Variants in GALNT17 observed in about 807,000 individuals in gnomAD.
GALNT17 encodes polypeptide N-acetylgalactosaminyltransferase 17, also known as UDP-GalNAc:polypeptide N-acetylgalactosaminyltransferase-like 3.
GALNT17 carries 29 observed loss-of-function variants against 63.7 expected under a neutral mutation model. That is an observed-to-expected ratio of 0.46 (90% CI 0.34 to 0.62). The LOEUF (loss-of-function observed/expected upper bound fraction) is 0.62, where lower values mean the gene tolerates loss of function less well. GALNT17 is among the 20% of genes least tolerant of loss of function. The probability of loss-of-function intolerance (pLI) is 0.01; values close to 1 mark genes in which losing one functional copy is unlikely to be tolerated. For missense variants in GALNT17, 603 were observed against 799.6 expected (o/e 0.75, Z 2.97); for synonymous variants, 305 against 318.3 (o/e 0.96, Z 0.45).
intron 9 of GALNT17, among the ~76,000 whole-genome samples, chr7:71,696,407 C>G (rs1791546892): frequency 6.6e-6 from 1 of 152,124 alleles, no homozygotes; most frequent in African/African-American, 2.4e-5. Flanking sequence ...GCCCCTGTGC[C>G]CAGCCAAGAA....
intron 2 of GALNT17, among the ~76,000 whole-genome samples, chr7:71,377,114 A>ATATATATATATATATATATAT (rs1554362120): frequency 1.7e-4 from 10 of 57,458 alleles, no homozygotes; most frequent in African/African-American, 4.7e-4. Flanking sequence ...AAATAAAAAA[A>ATATATATATATATATATATAT]ATATATATAT....
intron 5 of GALNT17, among the ~76,000 whole-genome samples, chr7:71,441,168 G>T (rs947713141): frequency 6.6e-6 from 1 of 151,860 alleles, no homozygotes; most frequent in Admixed American, 6.6e-5. Context: ...GACTATAGGC[G>T]CCCGCCACCA....
At chr7:71,547,675 A>G (rs1413161247) in intron 5 of GALNT17, among the ~76,000 whole-genome samples, 1 of 152,078 alleles carries the variant, frequency 6.6e-6, no homozygotes, top group Non-Finnish European at 1.5e-5. Context: ...GACTGTCACT[A>G]TTTTCATTGA....
chr7:71,485,351 C>T (rs562650365), intron 5 of GALNT17, among the ~76,000 whole-genome samples: 3 of 152,158 alleles, frequency 2.0e-5, no homozygotes, highest in Non-Finnish European at 1.5e-5. Flanking sequence ...CCCGCCTTGG[C>T]GTCCCAAAGT....
chr7:71,347,854 CCTG>C (rs1271077262), intron 2 of GALNT17, among the ~76,000 whole-genome samples: 1 of 152,122 alleles, frequency 6.6e-6, no homozygotes, highest in Non-Finnish European at 1.5e-5. Flanking sequence ...TCAGCTACCT[CCTG>C]CTTCTGCTTC....
intron 1 of GALNT17, among the ~76,000 whole-genome samples, chr7:71,238,789 G>T (rs1056007404): frequency 1.2e-4 from 18 of 152,162 alleles, no homozygotes; most frequent in Non-Finnish European, 2.4e-4. Context: ...GAATGTGGGT[G>T]GGACCTATTG....
intron 5 of GALNT17, among the ~76,000 whole-genome samples, chr7:71,426,768 A>G (rs771026223): frequency 7.2e-5 from 11 of 152,050 alleles, no homozygotes; most frequent in East Asian, 5.9e-4. Flanking sequence ...AAAAATACAA[A>G]AATTAGCTGG....
At chr7:71,668,806 C>T (rs1445688935) in intron 7 of GALNT17, among the ~76,000 whole-genome samples, 2 of 152,086 alleles carry the variant, frequency 1.3e-5, no homozygotes, top group East Asian at 3.9e-4. Context: ...ACACAGCAGC[C>T]ATTATGGGTT....
chr7:71,622,146 G>A (rs559876932), intron 6 of GALNT17, among the ~76,000 whole-genome samples: 1 of 152,278 alleles, frequency 6.6e-6, no homozygotes, highest in South Asian at 2.1e-4. Context: ...CACCTCACAG[G>A]GGAACAGGGA....
intron 6 of GALNT17, among the ~76,000 whole-genome samples, chr7:71,638,426 CCT>C (rs1442330339): frequency 6.6e-6 from 1 of 152,090 alleles, no homozygotes; most frequent in African/African-American, 2.4e-5. Context: ...GGTTCAAATC[CCT>C]CTGACACTAA....
At position 71,614,141 on chromosome 7, in the gene GALNT17, C is replaced by G. The variant is rs112123884; in HGVS notation, c.1080+42739C>G. Reference sequence around the variant, plus strand: ...TTCAAAACAAAACAAAAGCCCTAATCCCCCAAACTTTTGTGATCACATTAA... The same window carrying G: ...TTCAAAACAAAACAAAAGCCCTAATGCCCCAAACTTTTGTGATCACATTAA... On this transcript the variant is annotated intron_variant, in intron 6 of 10. Coordinates refer to ENST00000333538, the MANE Select transcript of GALNT17 (RefSeq NM_022479.3). Among the ~76,000 whole-genome samples, 892 of 152,204 alleles carry G rather than the reference C, an allele frequency of 5.9e-3. 7 individuals carry two copies. Among genetic ancestry groups the G allele is most frequent in the African/African-American group, 0.02 (827 of 41,526 alleles).
At chr7:71,388,554 T>C (rs1792992890) in intron 3 of GALNT17, among the ~76,000 whole-genome samples, 153 bp downstream of exon 3, 1 of 151,746 alleles carries the variant, frequency 6.6e-6, no homozygotes, top group Non-Finnish European at 1.5e-5. Flanking sequence ...TGAGATGGAG[T>C]CTTGCTGTGT....
intron 5 of GALNT17, among the ~76,000 whole-genome samples, chr7:71,429,668 G>A (rs1240139846): frequency 6.6e-6 from 1 of 152,056 alleles, no homozygotes; most frequent in Non-Finnish European, 1.5e-5. Context: ...TCAGCCTCCA[G>A]CGGAGCTGGG....
chr7:71,353,655 C>A (rs1482025377), intron 2 of GALNT17, among the ~76,000 whole-genome samples: 1 of 152,104 alleles, frequency 6.6e-6, no homozygotes, highest in Non-Finnish European at 1.5e-5. Flanking sequence ...GGTGTTGCAT[C>A]TGTTGCATCT....
intron 1 of GALNT17, among the ~76,000 whole-genome samples, chr7:71,162,958 T>C (rs1585849840): frequency 6.6e-6 from 1 of 152,214 alleles, no homozygotes; most frequent in South Asian, 2.1e-4. Context: ...GAAGACGCAC[T>C]GTGGAGGACA....
chr7:71,300,148 AG>A (rs1224239099), intron 1 of GALNT17, among the ~76,000 whole-genome samples: 1 of 152,092 alleles, frequency 6.6e-6, no homozygotes, highest in Non-Finnish European at 1.5e-5. Context: ...CTGACACCGG[AG>A]GGGGAACAAT....
intron 6 of GALNT17, among the ~76,000 whole-genome samples, chr7:71,613,562 T>G (rs1790156478): frequency 6.6e-6 from 1 of 152,166 alleles, no homozygotes; most frequent in Admixed American, 6.6e-5. Flanking sequence ...ATAGAGAGCT[T>G]GGAGGGACTT....
chr7:71,449,734 T>C (rs1334446278), intron 5 of GALNT17, among the ~76,000 whole-genome samples: 1 of 152,158 alleles, frequency 6.6e-6, no homozygotes, highest in Admixed American at 6.5e-5. Context: ...TTTATTAATC[T>C]TTTGAATTAT....
At chr7:71,678,672 G>A (rs1336095807) in intron 9 of GALNT17, among the ~76,000 whole-genome samples, 1 of 151,830 alleles carries the variant, frequency 6.6e-6, no homozygotes, top group Non-Finnish European at 1.5e-5. Context: ...GTGGGCGCCT[G>A]TAGTCCCAGC....
Sources: allele counts gnomAD v4.1 joint callset (sites outside exome capture counted in the v4.1 genomes callset), GRCh38; gene constraint gnomAD v4.1.1; transcripts MANE v1.5; gene names NCBI Gene and HGNC (gene_info 2026-07-23, HGNC 2026-07-21).